SOX6: variants seen among roughly 807,000 people sequenced by gnomAD.
SOX6 encodes SRY-box transcription factor 6, also known as transcription factor SOX-6.
In SOX6, 11 loss-of-function variants were observed where a neutral mutation model predicts 97.8. The ratio of observed to expected loss-of-function variants is 0.11; its 90% CI spans 0.07 to 0.19. The LOEUF is 0.19. Ranked by LOEUF, SOX6 falls within the 10% of genes least tolerant of loss-of-function variation. SOX6 has a pLI of 1.00. For missense variants in SOX6, 810 were observed against 1,039.5 expected, an observed-to-expected ratio of 0.78 and a Z score of 3.04; for synonymous variants, 360 against 371.4, an observed-to-expected ratio of 0.97 and a Z score of 0.35.
At chr11:16,283,226 A>C (rs559459845) in intron 3 of SOX6, among the ~76,000 whole-genome samples, 2 of 149,834 alleles carry the variant, frequency 1.3e-5, no homozygotes, top group Admixed American at 1.3e-4. Context: ...GTAGTAGATG[A>C]CTCAAATAGT....
rs992236496 is a variant in SOX6 at position 16,387,516 on chromosome 11, G to A, written c.-4-46264C>T. On this transcript the variant is annotated intron_variant, in intron 1 of 15. Transcript: ENST00000396356. ...AGTGGCAAGCATGATAGTCAATATG[G>A]TAGATTATTCATAAAAGAATTATTT... Among the ~76,000 whole-genome samples the A allele has an allele frequency of 2.6e-5, 4 of 152,090 alleles. No individual in the cohort carries two copies. In the South Asian group the frequency reaches 8.3e-4, roughly 32 times the overall value.
chr11:16,065,518 C>T (rs1848072837), intron 9 of SOX6, among the ~76,000 whole-genome samples: 1 of 151,168 alleles, frequency 6.6e-6, no homozygotes, highest in South Asian at 2.1e-4. Flanking sequence ...AATCCTAAAA[C>T]TTATAGTAAC....
chr11:16,153,897 G>T (rs544852835), intron 6 of SOX6, among the ~76,000 whole-genome samples: 1 of 152,116 alleles, frequency 6.6e-6, no homozygotes, highest in South Asian at 2.1e-4. Context: ...CTTTTCTCTG[G>T]AGAGTACCAC....
At chr11:16,062,931 T>C (rs983374159) in intron 9 of SOX6, among the ~76,000 whole-genome samples, 5 of 151,756 alleles carry the variant, frequency 3.3e-5, no homozygotes, top group South Asian at 2.1e-4. Context: ...ATCTAGCAAG[T>C]AGCTTGCCCA....
rs1032445188 is a variant in SOX6 at position 16,716,175 on chromosome 11, G to A, written n.354-1270C>T. ...TGCTTCAGCCTAGGAAGCGGAGGTC[G>A]CAGTGAACTGACACTGTGCCACTGC... On this transcript the variant is annotated intron_variant and non_coding_transcript_variant, in intron 2 of 5. Coordinates refer to the SOX6 transcript ENST00000524520. Among the ~76,000 whole-genome samples, 6 of 152,118 alleles carry A rather than the reference G, an allele frequency of 3.9e-5. 1 individual carries two copies. The highest frequency in any genetic ancestry group is 1.3e-4 in the Admixed American group (2 of 15,260).
intron 2 of SOX6, among the ~76,000 whole-genome samples, chr11:16,715,194 G>C (rs1217289269): frequency 6.6e-6 from 1 of 152,162 alleles, no homozygotes; most frequent in Non-Finnish European, 1.5e-5. Flanking sequence ...AAGGGCTGTA[G>C]TATAAAGTAC....
intron 15 of SOX6, among the ~76,000 whole-genome samples, chr11:15,982,970 G>A (rs780643443): frequency 6.6e-6 from 1 of 151,900 alleles, no homozygotes; most frequent in Non-Finnish European, 1.5e-5. Context: ...TACATTAATA[G>A]TAGAGGGAAT....
At chr11:16,220,290 A>C (rs1211507860) in intron 4 of SOX6, among the ~76,000 whole-genome samples, 3 of 152,068 alleles carry the variant, frequency 2.0e-5, no homozygotes, top group Non-Finnish European at 4.4e-5. Flanking sequence ...TATAGAAAAC[A>C]ACATTTTAGG....
At chr11:16,075,327 T>C (rs1398568077) in intron 9 of SOX6, among the ~76,000 whole-genome samples, 1 of 152,196 alleles carries the variant, frequency 6.6e-6, no homozygotes, top group African/African-American at 2.4e-5. Flanking sequence ...AGGCACATCT[T>C]ACATAGTGGC....
At chr11:16,534,451 T>C (rs1323546901) in intron 4 of SOX6, among the ~76,000 whole-genome samples, 2 of 152,114 alleles carry the variant, frequency 1.3e-5, no homozygotes, top group Non-Finnish European at 2.9e-5. Flanking sequence ...GAACTTGAAA[T>C]AAAGGGCTTC....
chr11:16,604,705 T>C (rs1848313257), intron 4 of SOX6, among the ~76,000 whole-genome samples: 1 of 152,168 alleles, frequency 6.6e-6, no homozygotes, highest in South Asian at 2.1e-4. Context: ...CCCATCTCGC[T>C]AACAGCCCAG....
intron 3 of SOX6, among the ~76,000 whole-genome samples, chr11:16,287,095 T>C (rs1208660712): frequency 2.0e-5 from 3 of 152,226 alleles, no homozygotes; most frequent in East Asian, 1.9e-4. Flanking sequence ...AACATAGTTA[T>C]GTAGATGAAT....
At chr11:16,466,549 G>T (rs1438357836) in intron 1 of SOX6, among the ~76,000 whole-genome samples, 2 of 151,872 alleles carry the variant, frequency 1.3e-5, no homozygotes, top group Non-Finnish European at 2.9e-5. Flanking sequence ...TACAGAATGG[G>T]GGAAGATTTT....
intron 8 of SOX6, 40 bp downstream of exon 8, chr11:16,097,569 T>G (rs772553724): frequency 6.4e-7 from 1 of 1,564,180 alleles, no homozygotes; most frequent in South Asian, 1.1e-5. Context: ...TCCACTAAAG[T>G]ACTGGCTCAT....
intron 3 of SOX6, among the ~76,000 whole-genome samples, chr11:16,620,880 C>T (rs1432427961): frequency 3.9e-5 from 6 of 152,152 alleles, no homozygotes; most frequent in Non-Finnish European, 8.8e-5. Flanking sequence ...GCCACTACAG[C>T]CACCAACTAT....
intron 3 of SOX6, among the ~76,000 whole-genome samples, chr11:16,677,665 G>A (rs1034667264): frequency 3.3e-5 from 5 of 152,270 alleles, no homozygotes; most frequent in African/African-American, 9.6e-5. Flanking sequence ...TGATCTGTGA[G>A]TTTGAGTTTC....
chr11:16,096,249 C>A, intron 8 of SOX6, 131 bp from the exon 9 acceptor site: 2 of 1,134,036 alleles, frequency 1.8e-6, no homozygotes, highest in Admixed American at 2.4e-5. Flanking sequence ...GTTTAAGACT[C>A]AGTTTCTTTC....
chr11:16,451,309 T>C (rs1163279383), intron 1 of SOX6, among the ~76,000 whole-genome samples: 1 of 152,118 alleles, frequency 6.6e-6, no homozygotes, highest in African/African-American at 2.4e-5. Context: ...TATTCTCCCA[T>C]TTTTAATATA....
At chr11:16,183,490 G>C (rs1851394516) in intron 6 of SOX6, among the ~76,000 whole-genome samples, 1 of 151,688 alleles carries the variant, frequency 6.6e-6, no homozygotes, top group Non-Finnish European at 1.5e-5. Context: ...CTCATAATTG[G>C]TCCAATTAGT....
Sources: gnomAD v4.1 joint callset for allele counts (sites outside exome capture counted in the v4.1 genomes callset) on GRCh38, gnomAD v4.1.1 for gene constraint, MANE v1.5 for transcripts, NCBI Gene and HGNC (gene_info 2026-07-23, HGNC 2026-07-21) for gene names.